Variants in CACNA2D1 observed in about 807,000 individuals in gnomAD.
CACNA2D1 encodes the protein calcium voltage-gated channel auxiliary subunit alpha2delta 1.
A neutral mutation model predicts 171.5 loss-of-function variants in CACNA2D1; 53 were observed. The ratio of observed to expected loss-of-function variants is 0.31; its 90% CI spans 0.25 to 0.39. The LOEUF is 0.39. Among genes scored for constraint, CACNA2D1 ranks in the 10% least tolerant of loss-of-function variants. The probability of loss-of-function intolerance (pLI) is 1.00; values close to 1 mark genes in which losing one functional copy is unlikely to be tolerated. For synonymous variants in CACNA2D1, 442 were observed against 443.1 expected (o/e 1.00, Z 0.03); for missense variants, 903 against 1,299.8 (o/e 0.69, Z 4.69).
chr7:82,342,879 T>C (rs932204621), intron 2 of CACNA2D1, among the ~76,000 whole-genome samples: 3 of 152,084 alleles, frequency 2.0e-5, no homozygotes, highest in Non-Finnish European at 4.4e-5. Flanking sequence ...AAAAGGATGG[T>C]TTATATCTTA....
chr7:82,372,776 C>T (rs1005592795), intron 1 of CACNA2D1, among the ~76,000 whole-genome samples: 1 of 152,058 alleles, frequency 6.6e-6, no homozygotes, highest in African/African-American at 2.4e-5. Context: ...AAAGAATCTA[C>T]AGCAATGGAT....
chr7:82,273,823 G>A (rs1336677675), intron 3 of CACNA2D1, among the ~76,000 whole-genome samples: 1 of 152,120 alleles, frequency 6.6e-6, no homozygotes, highest in Non-Finnish European at 1.5e-5. Context: ...AGAATAGAAA[G>A]AAGAATGAAA....
At chr7:82,337,573 C>T (rs966567134) in intron 2 of CACNA2D1, among the ~76,000 whole-genome samples, 2 of 152,184 alleles carry the variant, frequency 1.3e-5, no homozygotes, top group East Asian at 3.9e-4. Flanking sequence ...TTTTCCTCTT[C>T]TTCAGTTTAC....
chr7:82,155,754 A>G (rs1445910813), intron 4 of CACNA2D1, among the ~76,000 whole-genome samples: 1 of 152,196 alleles, frequency 6.6e-6, no homozygotes, highest in Non-Finnish European at 1.5e-5. Flanking sequence ...AAAATGACAA[A>G]GAGTGAAAAG....
At chr7:82,046,374 C>T (rs956215327) in intron 10 of CACNA2D1, among the ~76,000 whole-genome samples, 1 of 152,180 alleles carries the variant, frequency 6.6e-6, no homozygotes, top group Admixed American at 6.5e-5. Flanking sequence ...CCACTCCACT[C>T]TTCAAGTTGA....
intron 3 of CACNA2D1, among the ~76,000 whole-genome samples, chr7:82,216,877 G>A (rs1585124262): frequency 8.4e-6 from 1 of 118,986 alleles, no homozygotes; most frequent in Admixed American, 9.6e-5. Context: ...TCAAATTGCT[G>A]TTAAGCCTAA....
intron 3 of CACNA2D1, among the ~76,000 whole-genome samples, chr7:82,304,951 T>C (rs1813530054): frequency 6.6e-6 from 1 of 152,288 alleles, no homozygotes; most frequent in South Asian, 2.1e-4. Flanking sequence ...ACACATTCTA[T>C]GCATGTAACA....
At chr7:82,019,492 T>A (rs1182606313) in intron 12 of CACNA2D1, among the ~76,000 whole-genome samples, 1 of 152,220 alleles carries the variant, frequency 6.6e-6, no homozygotes, top group Non-Finnish European at 1.5e-5. Context: ...TTGAGAAGAC[T>A]TTTAAGTAAG....
At chr7:82,406,225 T>A (rs1331243556) in intron 1 of CACNA2D1, among the ~76,000 whole-genome samples, 1 of 152,302 alleles carries the variant, frequency 6.6e-6, no homozygotes, top group African/African-American at 2.4e-5. Context: ...CATGAACTCA[T>A]CATTTTTTAT....
At chr7:82,273,956 C>T (rs1206839853) in intron 3 of CACNA2D1, among the ~76,000 whole-genome samples, 1 of 152,186 alleles carries the variant, frequency 6.6e-6, no homozygotes. Flanking sequence ...AATTTTTCTA[C>T]TGAAGAAAAT....
intron 3 of CACNA2D1, among the ~76,000 whole-genome samples, chr7:82,306,498 G>A (rs1813750280): frequency 6.6e-6 from 1 of 152,216 alleles, no homozygotes; most frequent in Admixed American, 6.5e-5. Flanking sequence ...ATCTGGGAAA[G>A]TCCAATTGCA....
chr7:82,217,390 C>CACATAAATATATATATATATATAT (rs1402573092), intron 3 of CACNA2D1, among the ~76,000 whole-genome samples: 1 of 54,456 alleles, frequency 1.8e-5, no homozygotes, highest in Non-Finnish European at 3.0e-5. Context: ...CACACACACA[C>CACATAAATATATATATATATATAT]ATACATATAT....
chr7:82,318,352 C>T (rs1815362223), intron 3 of CACNA2D1, among the ~76,000 whole-genome samples: 1 of 152,108 alleles, frequency 6.6e-6, no homozygotes, highest in Non-Finnish European at 1.5e-5. Context: ...TTCCCCAAAA[C>T]ACTCCTAAAA....
chr7:81,987,538 ATAT>A (rs1255823173), intron 21 of CACNA2D1, among the ~76,000 whole-genome samples: 4 of 152,348 alleles, frequency 2.6e-5, no homozygotes, highest in Admixed American at 2.0e-4. Context: ...ACATTTCAAA[ATAT>A]GGTACTTGGA....
chr7:82,339,590 C>G (rs934766433), intron 2 of CACNA2D1, among the ~76,000 whole-genome samples: 1 of 152,110 alleles, frequency 6.6e-6, no homozygotes, highest in Non-Finnish European at 1.5e-5. Context: ...TGGCATGTAA[C>G]GAGCCAAATA....
intron 1 of CACNA2D1, among the ~76,000 whole-genome samples, chr7:82,363,700 A>G (rs1198499620): frequency 1.0e-5 from 1 of 95,700 alleles, no homozygotes; most frequent in Non-Finnish European, 2.8e-5. Context: ...CGAAATAAGT[A>G]GTAATGATAA....
intron 3 of CACNA2D1, among the ~76,000 whole-genome samples, chr7:82,332,630 C>T (rs1034431825): frequency 6.6e-6 from 1 of 151,912 alleles, no homozygotes; most frequent in Admixed American, 6.6e-5. Flanking sequence ...AAAACCTGAA[C>T]AATGAGTATT....
At chr7:82,060,702 T>C (rs772036942) in intron 9 of CACNA2D1, among the ~76,000 whole-genome samples, 175 bp from the exon 10 acceptor site, 18 of 152,088 alleles carry the variant, frequency 1.2e-4, no homozygotes, top group Non-Finnish European at 2.2e-4. Context: ...GTGGAAATTA[T>C]AAGAAATCCT....
intron 34 of CACNA2D1, 55 bp downstream of exon 34, chr7:81,963,998 CTTT>C (rs1287084880): frequency 9.9e-6 from 14 of 1,408,614 alleles, no homozygotes; most frequent in Non-Finnish European, 1.4e-5. Context: ...TCATCAGATG[CTTT>C]TTTATTTTAC....
Sources: gnomAD v4.1 joint callset for allele counts (sites outside exome capture counted in the v4.1 genomes callset) on GRCh38, gnomAD v4.1.1 for gene constraint, MANE v1.5 for transcripts, NCBI Gene and HGNC (gene_info 2026-07-23, HGNC 2026-07-21) for gene names.